The following SPOCK3 variants were observed in gnomAD, a reference collection of about 807,000 sequenced individuals.
SPOCK3 encodes the protein testican-3.
Under a neutral mutation model 56.6 loss-of-function variants are expected in SPOCK3, and 30 were observed. That is an observed-to-expected ratio of 0.53 (90% CI 0.40 to 0.72). The LOEUF is 0.72. Ranked by LOEUF, SPOCK3 falls within the 30% of genes least tolerant of loss-of-function variation. The pLI is 0.00. For synonymous variants in SPOCK3, 196 were observed against 183.3 expected, an observed-to-expected ratio of 1.07 and a Z score of -0.56; for missense variants, 527 against 530.0, an observed-to-expected ratio of 0.99 and a Z score of 0.06.
intron 4 of SPOCK3, among the ~76,000 whole-genome samples, chr4:166,934,333 CAAAAA>C (rs34556103): frequency 7.1e-6 from 1 of 140,300 alleles, no homozygotes; most frequent in Non-Finnish European, 1.5e-5. Context: ...ACTAAAAATA[CAAAAA>C]AAAAAAAAAA....
chr4:166,840,771 G>GTTTTTTTTTT lies in SPOCK3; in HGVS notation c.589+48349_589+48358dup, dbSNP rs70955697. ...CTAATTCATCTTCCCAGAAGCAAAAGTTTTTTTTTTTTTTTTTTTTTTTTT... is the reference window on the plus strand; with the variant it reads ...CTAATTCATCTTCCCAGAAGCAAAAGTTTTTTTTTTTTTTTTTTTTTTTTTTTTTTTTTTT... On this transcript the variant is annotated intron_variant, in intron 6 of 10. Transcript: ENST00000357545. Among the ~76,000 whole-genome samples, 106 of 68,178 alleles carry GTTTTTTTTTT rather than the reference G, an allele frequency of 1.6e-3. 16 individuals are homozygous for GTTTTTTTTTT. Among genetic ancestry groups the GTTTTTTTTTT allele is most frequent in the Non-Finnish European group, 2.2e-3 (80 of 37,028 alleles). The allele number at this position is 68,178 out of a possible 152,430, so 44.7% of individuals were successfully genotyped here.
intron 6 of SPOCK3, among the ~76,000 whole-genome samples, chr4:166,850,738 C>A (rs540285166): frequency 6.6e-6 from 1 of 152,250 alleles, no homozygotes; most frequent in Admixed American, 6.5e-5. Context: ...TCACTCCCGC[C>A]CGAATACTGC....
chr4:167,148,518 C>T (rs1440909097), intron 2 of SPOCK3, among the ~76,000 whole-genome samples: 2 of 152,058 alleles, frequency 1.3e-5, no homozygotes, highest in African/African-American at 2.4e-5. Context: ...CTACCACTTA[C>T]CTGTTTAGTC....
intron 5 of SPOCK3, among the ~76,000 whole-genome samples, chr4:166,905,520 C>G (rs961150595): frequency 1.3e-5 from 2 of 151,864 alleles, no homozygotes; most frequent in African/African-American, 4.8e-5. Context: ...TAAAACTTTT[C>G]TTTTTTTACA....
chr4:167,125,792 T>C (rs1762225656), intron 2 of SPOCK3, among the ~76,000 whole-genome samples: 1 of 152,158 alleles, frequency 6.6e-6, no homozygotes, highest in African/African-American at 2.4e-5. Context: ...GATGCAGAAA[T>C]AGTAGTTCAG....
At chr4:166,842,819 A>C (rs1747595079) in intron 6 of SPOCK3, among the ~76,000 whole-genome samples, 1 of 152,190 alleles carries the variant, frequency 6.6e-6, no homozygotes, top group South Asian at 2.1e-4. Context: ...GCTGCCTGCC[A>C]GTCCCGCACT....
At position 166,740,920 on chromosome 4, in the gene SPOCK3, AATTTTCACACCTAAAAATGTTTTATTAC is replaced by A. The variant is rs1388971678; in HGVS notation, c.994+1049_994+1076del. On this transcript the variant is annotated intron_variant, in intron 9 of 10. Coordinates refer to ENST00000357545, the MANE Select transcript of SPOCK3 (RefSeq NM_001040159.2). The stretch of plus-strand genomic sequence containing the variant: ...ACACATTGTAGCATTTATCATCAGT[AATTTTCACACCTAAAAATGTTTTATTAC>A]AAAACATTAAACTTTTAATTTTGTA... 2.0e-5 allele frequency among the ~76,000 whole-genome samples: 3 copies of A among 152,262 alleles called. No homozygotes were observed. The East Asian group carries it at 5.8e-4, about 29-fold the overall frequency.
At chr4:166,994,035 C>G (rs1453131883) in intron 4 of SPOCK3, among the ~76,000 whole-genome samples, 1 of 152,112 alleles carries the variant, frequency 6.6e-6, no homozygotes, top group East Asian at 1.9e-4. Flanking sequence ...CAAAGCTAGT[C>G]CGTCCAGCTT....
intron 7 of SPOCK3, among the ~76,000 whole-genome samples, chr4:166,762,014 A>G (rs1462893871): frequency 6.6e-6 from 1 of 152,020 alleles, no homozygotes; most frequent in Non-Finnish European, 1.5e-5. Flanking sequence ...TCTGTGAATC[A>G]CCATATTAGA....
intron 3 of SPOCK3, among the ~76,000 whole-genome samples, chr4:167,043,464 C>A (rs990017722): frequency 2.0e-5 from 3 of 151,898 alleles, no homozygotes; most frequent in Non-Finnish European, 2.9e-5. Flanking sequence ...TGTTTCATTG[C>A]ATTAGTTAGG....
intron 2 of SPOCK3, among the ~76,000 whole-genome samples, chr4:167,173,271 G>T (rs1249201597): frequency 6.6e-6 from 1 of 152,022 alleles, no homozygotes; most frequent in Non-Finnish European, 1.5e-5. Context: ...ATTATTTTCT[G>T]CTCCTTCTAC....
chr4:166,742,133 C>T (rs1325443635), intron 8 of SPOCK3, 74 bp from the exon 9 acceptor site: 2 of 1,107,154 alleles, frequency 1.8e-6, no homozygotes, highest in Admixed American at 1.9e-5. Flanking sequence ...TGTTATCAAA[C>T]TTCACTTAGT....
chr4:166,914,498 C>T (rs973174932), intron 4 of SPOCK3, among the ~76,000 whole-genome samples: 6 of 152,074 alleles, frequency 3.9e-5, no homozygotes, highest in Non-Finnish European at 8.8e-5. Flanking sequence ...TGGCTGGGCA[C>T]GTTGGCTCAC....
intron 6 of SPOCK3, among the ~76,000 whole-genome samples, chr4:166,827,944 GA>G (rs948700444): frequency 3.3e-5 from 5 of 151,532 alleles, no homozygotes; most frequent in African/African-American, 1.2e-4. Context: ...TCTTTTTAAT[GA>G]AAAACTTTTA....
chr4:167,230,429 G>A (rs1737038872), intron 2 of SPOCK3, among the ~76,000 whole-genome samples: 1 of 149,972 alleles, frequency 6.7e-6, no homozygotes, highest in Non-Finnish European at 1.5e-5. Context: ...AGAAAGTAAT[G>A]GTACCCCACA....
At chr4:166,953,725 C>T (rs1485316755) in intron 4 of SPOCK3, among the ~76,000 whole-genome samples, 4 of 152,278 alleles carry the variant, frequency 2.6e-5, no homozygotes, top group African/African-American at 9.6e-5. Flanking sequence ...GGAAATGTGG[C>T]ACATATACAC....
intron 4 of SPOCK3, among the ~76,000 whole-genome samples, chr4:166,930,402 TGTC>T (rs1411398771): frequency 1.3e-5 from 2 of 152,126 alleles, no homozygotes; most frequent in Non-Finnish European, 2.9e-5. Context: ...TAGTTTCCTC[TGTC>T]ATTATAAGCA....
At chr4:167,076,298 T>C (rs919308979) in intron 2 of SPOCK3, among the ~76,000 whole-genome samples, 6 of 151,840 alleles carry the variant, frequency 4.0e-5, no homozygotes, top group African/African-American at 1.2e-4. Flanking sequence ...CTATAGATTT[T>C]GGAGGCTAAT....
At chr4:166,782,861 G>T (rs938977240) in intron 7 of SPOCK3, among the ~76,000 whole-genome samples, 1 of 152,030 alleles carries the variant, frequency 6.6e-6, no homozygotes, top group Non-Finnish European at 1.5e-5. Context: ...TTGTGAGAAA[G>T]ACTTTCTTAA....
Sources: gnomAD v4.1 joint callset for allele counts (sites outside exome capture counted in the v4.1 genomes callset) on GRCh38, gnomAD v4.1.1 for gene constraint, MANE v1.5 for transcripts, NCBI Gene and HGNC (gene_info 2026-07-23, HGNC 2026-07-21) for gene names.